The following SLC22A11 variants were observed in gnomAD, a reference collection of about 807,000 sequenced individuals.
SLC22A11 encodes solute carrier family 22 member 11.
Under a neutral mutation model 49.4 loss-of-function variants are expected in SLC22A11, and 42 were observed. The ratio of observed to expected loss-of-function variants is 0.85; its 90% CI spans 0.66 to 1.10. The LOEUF (loss-of-function observed/expected upper bound fraction) is 1.10. Ranked by LOEUF, SLC22A11 falls within the 50% of genes least tolerant of loss-of-function variation. SLC22A11 has a pLI of 0.00. For missense variants in SLC22A11, 685 were observed against 731.6 expected, an observed-to-expected ratio of 0.94 and a Z score of 0.74; for synonymous variants, 304 against 315.8, an observed-to-expected ratio of 0.96 and a Z score of 0.40.
At chr11:64,566,497 A>G (rs1034405880) in intron 6 of SLC22A11, 5 of 151,582 alleles carry the variant, frequency 3.3e-5, no homozygotes, top group Non-Finnish European at 7.4e-5. Flanking sequence ...TAAAAAAAAA[A>G]AAAACCTTCC....
In SLC22A11 at chr11:64,564,365, T is replaced by A. The variant is rs1200778192; in HGVS notation, c.879T>A (p.Leu293=). Reference sequence around the variant, plus strand: ...TTAAGGGCAAACCAGACCAAGCACTTCAGGAGCTCAGAAAGGTGGCCAGGA... The same window carrying A: ...TTAAGGGCAAACCAGACCAAGCACTACAGGAGCTCAGAAAGGTGGCCAGGA... ...LIIKGKPDQA[L]QELRKVARIN... is the part of the protein sequence containing the mutation. Residue 293 remains leucine (L), a synonymous_variant, in exon 5 of 10, where the codon CTT becomes CTA. Coordinates refer to ENST00000301891, the MANE Select transcript of SLC22A11 (RefSeq NM_018484.4). The surrounding 1 kb of genome is among the most constrained non-coding windows in gnomAD (Gnocchi z 4.2). 2.5e-6 allele frequency: 4 copies of A among 1,614,008 alleles called. No homozygotes were observed. In the Admixed American group the frequency reaches 6.7e-5, roughly 27 times the overall value.
intron 7 of SLC22A11, among the ~76,000 whole-genome samples, chr11:64,568,390 TG>T (rs895534967): frequency 6.6e-6 from 1 of 152,150 alleles, no homozygotes; most frequent in African/African-American, 2.4e-5. Context: ...GGAGCCGCGG[TG>T]GGGGGCATTC....
At chr11:64,559,627 T>C (rs764324745) in intron 2 of SLC22A11, among the ~76,000 whole-genome samples, 28 of 152,166 alleles carry the variant, frequency 1.8e-4, no homozygotes, top group Non-Finnish European at 3.7e-4. Flanking sequence ...TCTCAAGGCC[T>C]TTCCAGAAGC....
At chr11:64,569,442 G>A (rs2038673322) in intron 8 of SLC22A11, among the ~76,000 whole-genome samples, 1 of 152,160 alleles carries the variant, frequency 6.6e-6, no homozygotes, top group South Asian at 2.1e-4. Context: ...CCAAGAGTGG[G>A]GAAAATGAGG....
Position 64,571,193 on chromosome 11 carries a change from C to G in SLC22A11, c.*151C>G. On this transcript the variant is annotated 3_prime_UTR_variant, in exon 10 of 10. Transcript: ENST00000301891. ...GTGGCCGAGTGGACAGCGTGGCCGT[C>G]TGCTGTGGCTGAAGGCAGCTTCCAC... 1 of 742,650 alleles carries G rather than the reference C, an allele frequency of 1.3e-6. No homozygotes were observed. The highest frequency in any genetic ancestry group is 2.2e-6 in the Non-Finnish European group (1 of 446,664). The allele number at this position is 742,650 out of a possible 1,614,324, so 46.0% of individuals were successfully genotyped here.
intron 1 of SLC22A11, 101 bp from the exon 2 acceptor site, chr11:64,559,034 G>T: frequency 1.0e-6 from 1 of 963,688 alleles, no homozygotes; most frequent in South Asian, 1.3e-5. Context: ...ACCTGGCACT[G>T]GGAGTCCAGG....
rs764147610 is a variant in SLC22A11 at position 64,565,199 on chromosome 11, G to A, written c.943-23G>A. On this transcript the variant is annotated intron_variant, in intron 5 of 9. Coordinates refer to ENST00000301891, the MANE Select transcript of SLC22A11 (RefSeq NM_018484.4). This position sits in a 1 kb window ranked among gnomAD's most constrained non-coding sequence, Gnocchi z 4.1. ...GCAGGGCCATTGCCCTACCATTCAC[G>A]GTGCCCCCATTCTCCCCGGAAGGTG... 4.7e-6 allele frequency: 7 copies of A among 1,498,728 alleles called. No homozygotes were observed. The East Asian group carries it at 7.4e-5, about 16-fold the overall frequency. 92.8% of individuals were successfully genotyped at this position (1,498,728 alleles called of 1,614,324 possible).
In SLC22A11 at chr11:64,565,163, C is replaced by T; in HGVS notation, c.943-59C>T. ...GCCACTTGGACACTGTTCTCTGGCA[C>T]AGGGGGTGGGGCAGGGCCATTGCCC... is the stretch of plus-strand genomic sequence containing the variant. On this transcript the variant is annotated intron_variant, in intron 5 of 9. Coordinates refer to ENST00000301891, the MANE Select transcript of SLC22A11 (RefSeq NM_018484.4). The surrounding 1 kb of genome is among the most constrained non-coding windows in gnomAD (Gnocchi z 4.1). 1 of 1,327,686 alleles carries T rather than the reference C, an allele frequency of 7.5e-7. No homozygotes were observed. The highest frequency in any genetic ancestry group is 1.4e-5 in the South Asian group (1 of 70,428). The allele number at this position is 1,327,686 out of a possible 1,614,324, so 82.2% of individuals were successfully genotyped here. A position where few individuals can be genotyped will look rare whatever the true frequency, so the allele number is the denominator to read the frequency against.
chr11:64,564,428 G>A lies in SLC22A11; in HGVS notation c.942G>A (p.Glu314=). 1.2e-6 allele frequency: 2 copies of A among 1,613,980 alleles called. No homozygotes were observed. The highest frequency in any genetic ancestry group is 1.7e-6 in the Non-Finnish European group (2 of 1,179,948). ...AGGAGGCCAAGAACCTGACCATAGA[G>A]GTGAGATGCTGCTGTCTGCGAGACT... ...GHKEAKNLTI[E]VLMSSVKEEV... is the part of the protein sequence containing the mutation. Residue 314 remains glutamate, a splice_region_variant and synonymous_variant, in exon 5 of 10, where the codon GAG becomes GAA. Coordinates refer to ENST00000301891, the MANE Select transcript of SLC22A11 (RefSeq NM_018484.4). This position sits in a 1 kb window ranked among gnomAD's most constrained non-coding sequence, Gnocchi z 4.2.
chr11:64,556,373 C>T lies in SLC22A11; in HGVS notation c.374C>T (p.Thr125Ile), dbSNP rs749388697. ...DGWVYDRSVF[T>I]STIVAKWDLV... ...TGGGTCTATGACCGCAGCGTCTTCA[C>T]CTCCACCATCGTGGCCAAGGTAGGG... Residue 125 changes from threonine to isoleucine, a missense_variant, in exon 1 of 10, where the codon ACC becomes ATC. Thr to Ile is a moderately conservative substitution (Grantham distance 89, BLOSUM62 -1). Coordinates refer to ENST00000301891, the MANE Select transcript of SLC22A11 (RefSeq NM_018484.4). 27 of 1,611,592 alleles carry T rather than the reference C, an allele frequency of 1.7e-5. 1 individual carries two copies. The South Asian group carries it at 2.5e-4, about 15-fold the overall frequency.
rs1178192361 is a variant in SLC22A11, at chr11:64,556,176, G to A, written c.177G>A (p.Ala59=). 6 of 1,614,030 alleles carry A rather than the reference G, an allele frequency of 3.7e-6. No homozygotes were observed. Among genetic ancestry groups the A allele is most frequent in the East Asian group, 4.5e-5 (2 of 44,898 alleles). Residue 59 remains alanine (A), a synonymous_variant, in exon 1 of 10, where the codon GCG becomes GCA. Transcript: ENST00000301891. The part of the protein sequence containing the change: ...CWTHMLDNGS[A]VSTNMTPKAL... Reference sequence around the variant, plus strand: ...CACACATGCTGGACAATGGCTCTGCGGTTTCCACAAACATGACCCCCAAGG... The same window carrying A: ...CACACATGCTGGACAATGGCTCTGCAGTTTCCACAAACATGACCCCCAAGG...
At chr11:64,561,021 G>A (rs2038536693) in intron 2 of SLC22A11, among the ~76,000 whole-genome samples, 1 of 152,198 alleles carries the variant, frequency 6.6e-6, no homozygotes, top group African/African-American at 2.4e-5. Context: ...AGGATGAAGC[G>A]AGTGTCCTTG....
intron 7 of SLC22A11, 95 bp downstream of exon 7, chr11:64,567,908 G>A: frequency 7.6e-7 from 1 of 1,313,188 alleles, no homozygotes; most frequent in East Asian, 2.5e-5. Context: ...CTGGCCCCAG[G>A]AGCTGCCTCC....
At position 64,567,095 on chromosome 11, in the gene SLC22A11, T is replaced by TC. The variant is rs146888921; in HGVS notation, c.1059-500dup. Among the ~76,000 whole-genome samples, 1,220 of 151,572 alleles carry TC rather than the reference T, an allele frequency of 8.0e-3. 11 individuals carry two copies. Among genetic ancestry groups the TC allele is most frequent in the African/African-American group, 0.026 (1,094 of 41,310 alleles). ...CCCATGAACCAGTCACAGGCTGCTC[T>TC]CCCCAGAGAAGGGGCAGCACTCCCA... On this transcript the variant is annotated intron_variant, in intron 6 of 9. Coordinates refer to ENST00000301891, the MANE Select transcript of SLC22A11 (RefSeq NM_018484.4).
chr11:64,565,872 C>T lies in SLC22A11; in HGVS notation c.1058+535C>T, dbSNP rs886071735. The T allele has an allele frequency of 2.1e-5, 5 of 236,786 alleles. No individual in the cohort carries two copies. Among genetic ancestry groups the T allele is most frequent in the East Asian group, 9.4e-5 (1 of 10,632 alleles). The allele number at this position is 236,786 out of a possible 1,614,324, so 14.7% of individuals were successfully genotyped here. On this transcript the variant is annotated intron_variant, in intron 6 of 9. Coordinates refer to ENST00000301891, the MANE Select transcript of SLC22A11 (RefSeq NM_018484.4). The surrounding 1 kb of genome is among the most constrained non-coding windows in gnomAD (Gnocchi z 4.1). ...CGGGCTGAGCTAACACTTGGCTTAC[C>T]GGCACTGTCACTGCCAGGGCCCGCG...
chr11:64,565,306 C>T lies in SLC22A11; in HGVS notation c.1027C>T (p.Arg343Cys), dbSNP rs770853081. ...GGACCTGTTCTGCGTGCCCGTGCTC[C>T]GCTGGAGGAGCTGCGCCATGCTGGT... The part of the protein sequence containing the change: ...VLDLFCVPVL[R>C]WRSCAMLVVN... Residue 343 changes from arginine (R) to cysteine (C), a missense_variant, in exon 6 of 10, where the codon CGC (arginine) becomes TGC (cysteine). By Grantham distance (180) the Arg-to-Cys change is radical. Transcript: ENST00000301891. This position sits in a 1 kb window ranked among gnomAD's most constrained non-coding sequence, Gnocchi z 4.1. 3.2e-5 allele frequency: 49 copies of T among 1,550,488 alleles called. No homozygotes were observed. The highest frequency in any genetic ancestry group is 9.5e-5 in the South Asian group (8 of 84,012).
At chr11:64,569,007 T>A (rs2038667962) in intron 8 of SLC22A11, among the ~76,000 whole-genome samples, 1 of 152,242 alleles carries the variant, frequency 6.6e-6, no homozygotes, top group Non-Finnish European at 1.5e-5. Context: ...CAGAGTCATC[T>A]GTCCAGATGG....
chr11:64,568,348 T>C (rs565931367), intron 7 of SLC22A11, among the ~76,000 whole-genome samples: 11 of 152,280 alleles, frequency 7.2e-5, no homozygotes, highest in African/African-American at 2.6e-4. Context: ...CGGCGCTCTC[T>C]CCGTCATAGC....
rs1271179805 is a variant in SLC22A11 at position 64,564,449 on chromosome 11, A to C, written c.942+21A>C. 2.5e-6 allele frequency: 4 copies of C among 1,613,194 alleles called. No individual in the cohort carries two copies. The highest frequency in any genetic ancestry group is 3.4e-6 in the Non-Finnish European group (4 of 1,179,544). On this transcript the variant is annotated intron_variant, in intron 5 of 9. Coordinates refer to ENST00000301891, the MANE Select transcript of SLC22A11 (RefSeq NM_018484.4). The surrounding 1 kb of genome is among the most constrained non-coding windows in gnomAD (Gnocchi z 4.2). ...TAGAGGTGAGATGCTGCTGTCTGCG[A>C]GACTTGACCTGGGACAGGACGTGCA...
Sources: allele counts gnomAD v4.1 joint callset (sites outside exome capture counted in the v4.1 genomes callset), GRCh38; gene constraint gnomAD v4.1.1; non-coding constraint Gnocchi (gnomAD v3.1); transcripts MANE v1.5; gene names NCBI Gene and HGNC (gene_info 2026-07-23, HGNC 2026-07-21).